MALRD1: variants seen among roughly 807,000 people sequenced by gnomAD.
The protein encoded by MALRD1 is MAM and LDL receptor class A domain containing 1, also known as MAM and LDL-receptor class A domain-containing protein 1.
Under a neutral mutation model 242.1 loss-of-function variants are expected in MALRD1, and 247 were observed. The ratio of observed to expected loss-of-function variants is 1.02; its 90% CI spans 0.92 to 1.13. MALRD1 has a LOEUF of 1.13. MALRD1 is among the 50% of genes most tolerant of loss of function. MALRD1 has a pLI of 0.00. For missense variants in MALRD1, 2,989 were observed against 2,533.1 expected (o/e 1.18, Z -3.86); for synonymous variants, 995 against 866.6 (o/e 1.15, Z -2.60).
intron 18 of MALRD1, among the ~76,000 whole-genome samples, chr10:19,214,660 G>C (rs572911480): frequency 4.1e-4 from 63 of 152,306 alleles, no homozygotes; most frequent in African/African-American, 1.3e-3. Flanking sequence ...CATCTCTAAA[G>C]AACTGATGAT....
intron 36 of MALRD1, among the ~76,000 whole-genome samples, chr10:19,691,707 C>CA (rs1419639169): frequency 1.3e-5 from 2 of 152,112 alleles, no homozygotes; most frequent in African/African-American, 4.8e-5. Context: ...TCATCATGTA[C>CA]ATCCCTAAAT....
intron 34 of MALRD1, among the ~76,000 whole-genome samples, chr10:19,604,975 TAAGA>T (rs1015101875): frequency 6.6e-6 from 1 of 152,214 alleles, no homozygotes; most frequent in East Asian, 1.9e-4. Flanking sequence ...GATTTTGCTT[TAAGA>T]GTTTATCTTA....
chr10:19,295,829 A>G (rs1348158556), intron 21 of MALRD1, among the ~76,000 whole-genome samples: 1 of 152,162 alleles, frequency 6.6e-6, no homozygotes, highest in African/African-American at 2.4e-5. Context: ...GTTAAAACAC[A>G]GGAATCTTGG....
chr10:19,607,628 CT>C (rs780511739), intron 34 of MALRD1, 148 bp from the exon 35 acceptor site: 1 of 1,133,460 alleles, frequency 8.8e-7, no homozygotes, highest in Non-Finnish European at 1.2e-6. Context: ...TTGAAATATT[CT>C]TCAAAAAGAA....
chr10:19,385,142 G>C (rs1472818169), intron 26 of MALRD1, among the ~76,000 whole-genome samples: 2 of 151,932 alleles, frequency 1.3e-5, no homozygotes, highest in Non-Finnish European at 2.9e-5. Flanking sequence ...TCCTCTTAAA[G>C]TGCTGTTGAA....
chr10:19,727,976 A>G (rs1170417449), intron 38 of MALRD1, among the ~76,000 whole-genome samples: 1 of 152,204 alleles, frequency 6.6e-6, no homozygotes, highest in East Asian at 1.9e-4. Context: ...AAATGTATAG[A>G]GTGACACTAG....
chr10:19,321,731 A>T (rs1842921639), intron 21 of MALRD1, among the ~76,000 whole-genome samples: 2 of 152,122 alleles, frequency 1.3e-5, no homozygotes, highest in Admixed American at 6.6e-5. Flanking sequence ...TTTTTCTTCC[A>T]TTAAACTGTA....
intron 33 of MALRD1, among the ~76,000 whole-genome samples, chr10:19,590,275 C>T (rs1837696135): frequency 6.8e-6 from 1 of 146,796 alleles, no homozygotes; most frequent in Non-Finnish European, 1.5e-5. Context: ...TGTATATATA[C>T]ATATTTTATA....
At chr10:19,221,488 C>G (rs1837553439) in intron 18 of MALRD1, among the ~76,000 whole-genome samples, 1 of 152,142 alleles carries the variant, frequency 6.6e-6, no homozygotes, top group African/African-American at 2.4e-5. Context: ...TCTTAGATTT[C>G]TCATCTACCA....
At chr10:19,489,458 G>T in intron 29 of MALRD1, 1 of 583,732 alleles carries the variant, frequency 1.7e-6, no homozygotes, top group East Asian at 4.9e-5. Context: ...TACAATCCAG[G>T]GGAATATTTT....
At chr10:19,167,452 G>A (rs1210026236) in intron 13 of MALRD1, among the ~76,000 whole-genome samples, 1 of 151,994 alleles carries the variant, frequency 6.6e-6, no homozygotes. Flanking sequence ...TAATAGTTGG[G>A]GATTTAAGGT....
chr10:19,344,462 T>C (rs1320778346), intron 24 of MALRD1, among the ~76,000 whole-genome samples: 1 of 152,060 alleles, frequency 6.6e-6, no homozygotes, highest in East Asian at 1.9e-4. Flanking sequence ...TAGTTGTACT[T>C]ACATGGAGCT....
chr10:19,175,262 A>T lies in MALRD1; in HGVS notation c.1885A>T (p.Ile629Phe). Residue 629 changes from isoleucine (I) to phenylalanine (F), a missense_variant, in exon 14 of 40, where the codon ATC becomes TTC. Ile to Phe is a conservative substitution (Grantham distance 21). Coordinates refer to ENST00000454679, the MANE Select transcript of MALRD1 (RefSeq NM_001142308.3). ...AAATGCTACCGTTGCTCTAGATGACATCAGTGTGTCCCAGGAATGTGAAAT... is the reference window on the plus strand; with the variant it reads ...AAATGCTACCGTTGCTCTAGATGACTTCAGTGTGTCCCAGGAATGTGAAAT... ...SSNATVALDD[I>F]SVSQECEISY... 2 of 1,230,664 alleles carry T rather than the reference A, an allele frequency of 1.6e-6. No homozygotes were observed. Among genetic ancestry groups the T allele is most frequent in the Admixed American group, 4.2e-5 (1 of 23,696 alleles). The allele number at this position is 1,230,664 out of a possible 1,614,324, so 76.2% of individuals were successfully genotyped here. A position where few individuals can be genotyped will look rare whatever the true frequency, so the allele number is the denominator to read the frequency against.
chr10:19,658,619 C>T (rs956368468), intron 36 of MALRD1, among the ~76,000 whole-genome samples: 1 of 152,104 alleles, frequency 6.6e-6, no homozygotes, highest in African/African-American at 2.4e-5. Context: ...CTATTTCTCT[C>T]CAGTTAATTC....
At chr10:19,362,240 C>T (rs74121496) in intron 26 of MALRD1, among the ~76,000 whole-genome samples, 2,440 of 152,106 alleles carry the variant, frequency 0.016, 58 homozygotes, top group African/African-American at 0.056. Flanking sequence ...TTTCTTATAC[C>T]GCTCACTCTG....
At chr10:19,270,529 GA>G (rs914383102) in intron 19 of MALRD1, among the ~76,000 whole-genome samples, 5 of 152,178 alleles carry the variant, frequency 3.3e-5, no homozygotes, top group African/African-American at 9.6e-5. Flanking sequence ...GAGAAAAAAA[GA>G]GAGAGTATTG....
intron 31 of MALRD1, among the ~76,000 whole-genome samples, chr10:19,529,542 CAGGA>C (rs386741639): frequency 6.3e-5 from 3 of 47,980 alleles, no homozygotes; most frequent in African/African-American, 2.1e-4. Flanking sequence ...CAGAAAAAAA[CAGGA>C]GGGGGGGGGA....
intron 15 of MALRD1, 27 bp from the exon 16 acceptor site, chr10:19,204,281 G>GTTTTT (rs71387054): frequency 9.6e-6 from 10 of 1,042,874 alleles, no homozygotes; most frequent in African/African-American, 9.0e-5. Flanking sequence ...TTAATGAAGC[G>GTTTTT]TTTTTTTTTT....
chr10:19,609,973 A>T (rs1387761470), intron 35 of MALRD1, among the ~76,000 whole-genome samples: 1 of 151,974 alleles, frequency 6.6e-6, no homozygotes, highest in African/African-American at 2.4e-5. Flanking sequence ...GATGATGATG[A>T]TACAGCTTAA....
Sources: gnomAD v4.1 joint callset for allele counts (sites outside exome capture counted in the v4.1 genomes callset) on GRCh38, gnomAD v4.1.1 for gene constraint, MANE v1.5 for transcripts, NCBI Gene and HGNC (gene_info 2026-07-23, HGNC 2026-07-21) for gene names.